The following RBBP8 variants were observed in gnomAD, a reference collection of about 807,000 sequenced individuals.
RBBP8 encodes RB binding protein 8, endonuclease.
In RBBP8, 88 loss-of-function variants were observed where a neutral mutation model predicts 108.3. The observed-to-expected ratio is 0.81, with a 90% CI of 0.68 to 0.97. RBBP8 has a LOEUF of 0.97. Among genes scored for constraint, RBBP8 ranks in the 50% least tolerant of loss-of-function variants. The pLI is 0.00. For synonymous variants in RBBP8, 332 were observed against 348.2 expected, an observed-to-expected ratio of 0.95 and a Z score of 0.52; for missense variants, 1,023 against 1,049.0, an observed-to-expected ratio of 0.98 and a Z score of 0.34.
At chr18:22,952,202 G>A (rs1912103488) in intron 4 of RBBP8, among the ~76,000 whole-genome samples, 1 of 152,140 alleles carries the variant, frequency 6.6e-6, no homozygotes, top group Non-Finnish European at 1.5e-5. Flanking sequence ...ACTTAAGCAG[G>A]AGAATAACAA....
At chr18:23,016,163 T>C (rs2046251924) in intron 16 of RBBP8, among the ~76,000 whole-genome samples, 1 of 152,118 alleles carries the variant, frequency 6.6e-6, no homozygotes, top group African/African-American at 2.4e-5. Context: ...ACTGCGCCCA[T>C]CCAGCTTTGT....
At position 23,001,608 on chromosome 18, in the gene RBBP8, T is replaced by C. The variant is rs2045948656; in HGVS notation, c.2166T>C (p.Asp722=). The change falls in exon 15 of 19, where the codon GAT becomes GAC. Residue 722 remains aspartate, a synonymous_variant. Coordinates refer to ENST00000327155, the MANE Select transcript of RBBP8 (RefSeq NM_002894.3). ...TAGATGAAGAAAGAAAAATGAATGA[T>C]AGCTTGGAAGATATGTTTGATCGGA... The part of the protein sequence containing the change: ...KSSNEERKMN[D]SLEDMFDRTT... 1 of 1,613,992 alleles carries C rather than the reference T, an allele frequency of 6.2e-7. No homozygotes were observed. The highest frequency in any genetic ancestry group is 1.3e-5 in the African/African-American group (1 of 74,926).
chr18:23,009,643 T>C (rs1224442713), intron 16 of RBBP8, among the ~76,000 whole-genome samples: 2 of 151,980 alleles, frequency 1.3e-5, no homozygotes, highest in African/African-American at 4.8e-5. Flanking sequence ...TATAGCTCCC[T>C]ATCCCTATAG....
chr18:22,937,691 T>C (rs1910697373), intron 2 of RBBP8, among the ~76,000 whole-genome samples: 1 of 152,102 alleles, frequency 6.6e-6, no homozygotes, highest in Non-Finnish European at 1.5e-5. Context: ...TTGCCCAGGC[T>C]GGTCTTGAAC....
intron 2 of RBBP8, among the ~76,000 whole-genome samples, chr18:22,943,892 CAATAT>C (rs1911312726): frequency 6.6e-6 from 1 of 152,158 alleles, no homozygotes; most frequent in Non-Finnish European, 1.5e-5. Flanking sequence ...TTGTGTATTA[CAATAT>C]ACAGGCCCTT....
At chr18:23,006,565 A>G in intron 16 of RBBP8, 133 bp downstream of exon 16, 1 of 770,368 alleles carries the variant, frequency 1.3e-6, no homozygotes, top group Non-Finnish European at 2.2e-6. Flanking sequence ...GCAATGGCGT[A>G]AACTCAGCTC....
rs1321764857 is a variant in RBBP8, at chr18:23,006,348, A to C, written c.2288-15A>C. On this transcript the variant is annotated splice_polypyrimidine_tract_variant and intron_variant, in intron 15 of 18. Coordinates refer to ENST00000327155, the MANE Select transcript of RBBP8 (RefSeq NM_002894.3). ...GTTCTACATTTAGTTTGTAATGTGC[A>C]TGTTTTATTTATAGCTCATGGTGAT... 1.2e-6 allele frequency: 2 copies of C among 1,605,264 alleles called. No homozygotes were observed. Among genetic ancestry groups the C allele is most frequent in the Non-Finnish European group, 1.7e-6 (2 of 1,172,272 alleles).
intron 9 of RBBP8, among the ~76,000 whole-genome samples, chr18:22,989,748 C>T (rs1219533652): frequency 6.6e-6 from 1 of 152,052 alleles, no homozygotes. Flanking sequence ...TCATGGAGCC[C>T]TATAGCTTCA....
intron 4 of RBBP8, 67 bp downstream of exon 4, chr18:22,949,780 C>A: frequency 8.4e-7 from 1 of 1,197,338 alleles, no homozygotes; most frequent in South Asian, 1.2e-5. Context: ...CATTGACTTT[C>A]ATTTGTAATT....
intron 7 of RBBP8, 74 bp from the exon 8 acceptor site, chr18:22,984,812 A>C: frequency 2.3e-6 from 2 of 863,594 alleles, no homozygotes; most frequent in Non-Finnish European, 1.8e-6. Flanking sequence ...AAATATGAAT[A>C]AATAAAAATA....
chr18:22,964,910 C>T (rs1309474581), intron 4 of RBBP8, among the ~76,000 whole-genome samples: 1 of 152,002 alleles, frequency 6.6e-6, no homozygotes, highest in Non-Finnish European at 1.5e-5. Flanking sequence ...ATAGTATGTC[C>T]TCACTTAACA....
intron 10 of RBBP8, among the ~76,000 whole-genome samples, chr18:22,991,837 G>A (rs1567982666): frequency 6.6e-6 from 1 of 152,064 alleles, no homozygotes; most frequent in Non-Finnish European, 1.5e-5. Flanking sequence ...TTTTAAAAGA[G>A]CTTTCAGTTT....
At chr18:22,921,053 C>T (rs1346884577) in intron 3 of RBBP8, among the ~76,000 whole-genome samples, 4 of 152,152 alleles carry the variant, frequency 2.6e-5, no homozygotes, top group African/African-American at 7.2e-5. Flanking sequence ...GTTGAAACTT[C>T]CATTAATAAT....
chr18:22,955,051 T>C (rs1912391876), intron 4 of RBBP8, among the ~76,000 whole-genome samples: 1 of 152,228 alleles, frequency 6.6e-6, no homozygotes, highest in Non-Finnish European at 1.5e-5. Context: ...ATTGTTAAAA[T>C]TATGTGTTTT....
chr18:23,008,192 A>G (rs564419118), intron 16 of RBBP8, among the ~76,000 whole-genome samples: 1 of 152,250 alleles, frequency 6.6e-6, no homozygotes, highest in South Asian at 2.1e-4. Context: ...GTCACCTACT[A>G]TTTGTTCTTA....
At chr18:22,987,161 C>T (rs1424611873) in intron 8 of RBBP8, among the ~76,000 whole-genome samples, 1 of 152,064 alleles carries the variant, frequency 6.6e-6, no homozygotes, top group African/African-American at 2.4e-5. Flanking sequence ...CCCATTCACT[C>T]CAACTCACTG....
At chr18:22,991,676 G>A (rs564712063) in intron 10 of RBBP8, among the ~76,000 whole-genome samples, 150 of 152,216 alleles carry the variant, frequency 9.9e-4, no homozygotes, top group South Asian at 1.7e-3. Context: ...CATAGTACTT[G>A]GCACATGGAA....
At chr18:23,023,649 A>G (rs1408661297) in intron 18 of RBBP8, among the ~76,000 whole-genome samples, 1 of 152,178 alleles carries the variant, frequency 6.6e-6, no homozygotes, top group Non-Finnish European at 1.5e-5. Context: ...TAGGACTATC[A>G]ATCTGGACAT....
chr18:22,991,434 G>A (rs1469105698), intron 10 of RBBP8, among the ~76,000 whole-genome samples: 1 of 152,106 alleles, frequency 6.6e-6, no homozygotes, highest in African/African-American at 2.4e-5. Context: ...ACTAATTTCA[G>A]AATACCTATT....
Sources: allele counts gnomAD v4.1 joint callset (sites outside exome capture counted in the v4.1 genomes callset), GRCh38; gene constraint gnomAD v4.1.1; transcripts MANE v1.5; gene names NCBI Gene and HGNC (gene_info 2026-07-23, HGNC 2026-07-21).